CNBD1: variants seen among roughly 807,000 people sequenced by gnomAD.
CNBD1 encodes cyclic nucleotide binding domain containing 1.
A neutral mutation model predicts 54.4 loss-of-function variants in CNBD1; 71 were observed. The observed-to-expected ratio is 1.30, with a 90% CI of 1.08 to 1.59. The LOEUF is 1.59. Among genes scored for constraint, CNBD1 ranks in the 40% most tolerant of loss-of-function variants. CNBD1 has a pLI of 0.00. For synonymous variants in CNBD1, 182 were observed against 170.7 expected (o/e 1.07, Z -0.51); for missense variants, 659 against 518.0 (o/e 1.27, Z -2.64).
chr8:87,116,946 C>A (rs1023496118), intron 4 of CNBD1, among the ~76,000 whole-genome samples: 2 of 152,128 alleles, frequency 1.3e-5, no homozygotes, highest in South Asian at 2.1e-4. Context: ...TATTTACTTA[C>A]TCTTTCTGTT....
intron 4 of CNBD1, among the ~76,000 whole-genome samples, chr8:87,194,535 T>C (rs1027288365): frequency 1.3e-5 from 2 of 152,202 alleles, no homozygotes; most frequent in African/African-American, 2.4e-5. Flanking sequence ...CACCTAAAAT[T>C]CTGCATTATA....
chr8:87,159,978 C>T (rs1812821910), intron 4 of CNBD1, among the ~76,000 whole-genome samples: 2 of 151,462 alleles, frequency 1.3e-5, no homozygotes, highest in South Asian at 2.1e-4. Context: ...CAGACAATGA[C>T]AACAAGGCTC....
chr8:87,390,955 G>C (rs1277490332), intron 2 of CNBD1, among the ~76,000 whole-genome samples: 5 of 151,990 alleles, frequency 3.3e-5, no homozygotes, highest in African/African-American at 1.2e-4. Context: ...GATGGATGAA[G>C]CTGGAAACCA....
chr8:87,227,124 C>A (rs1814518583), intron 5 of CNBD1, among the ~76,000 whole-genome samples: 1 of 152,034 alleles, frequency 6.6e-6, no homozygotes, highest in Non-Finnish European at 1.5e-5. Flanking sequence ...TATTTTGAGC[C>A]CATGTGTGTC....
chr8:86,998,731 A>G lies in CNBD1; in HGVS notation c.431+58977A>G, dbSNP rs142033009. On this transcript the variant is annotated intron_variant, in intron 4 of 10. Transcript: ENST00000518476. ...TATAGCACTCTACATCTTTTGAATG[A>G]TTTGGAAATACATGTTTTTCGAATT... Among the ~76,000 whole-genome samples, 19 of 152,306 alleles carry G rather than the reference A, an allele frequency of 1.2e-4. No individual in the cohort carries two copies. The East Asian group carries it at 3.7e-3, about 29-fold the overall frequency.
chr8:87,261,982 C>CAA (rs71277922), intron 6 of CNBD1, among the ~76,000 whole-genome samples: 2,652 of 128,512 alleles, frequency 0.021, 44 homozygotes, highest in African/African-American at 0.055. Flanking sequence ...TCTGTCTTTA[C>CAA]AAAAAAAAAA....
intron 4 of CNBD1, among the ~76,000 whole-genome samples, chr8:87,070,955 G>T (rs953007414): frequency 6.6e-6 from 1 of 151,868 alleles, no homozygotes; most frequent in Non-Finnish European, 1.5e-5. Context: ...TGTGAAATGG[G>T]ATAGGATAAT....
At chr8:87,310,000 A>G (rs988500801) in intron 8 of CNBD1, among the ~76,000 whole-genome samples, 5 of 152,154 alleles carry the variant, frequency 3.3e-5, no homozygotes, top group African/African-American at 7.2e-5. Flanking sequence ...TACAAAATCA[A>G]TGTACAAAAA....
At chr8:87,279,805 C>A (rs1808559653) in intron 6 of CNBD1, among the ~76,000 whole-genome samples, 1 of 151,156 alleles carries the variant, frequency 6.6e-6, no homozygotes, top group South Asian at 2.1e-4. Context: ...TTTTCCACTT[C>A]TCAGAAAGGC....
At chr8:87,317,805 T>C (rs1809423379) in intron 8 of CNBD1, among the ~76,000 whole-genome samples, 1 of 152,068 alleles carries the variant, frequency 6.6e-6, no homozygotes, top group South Asian at 2.1e-4. Flanking sequence ...TCCTCTTTTC[T>C]GAGTACACTC....
At chr8:86,889,169 TGTGTATATAGGTTTTGCATCA>T in intron 2 of CNBD1, among the ~76,000 whole-genome samples, 1 of 152,194 alleles carries the variant, frequency 6.6e-6, no homozygotes, top group African/African-American at 2.4e-5. Context: ...TTTTAAGGTA[TGTGTATATAGGTTTTGCATCA>T]TTCTGTTAGA....
intron 4 of CNBD1, among the ~76,000 whole-genome samples, chr8:87,045,964 C>T (rs536061978): frequency 5.5e-5 from 8 of 146,394 alleles, no homozygotes; most frequent in African/African-American, 1.8e-4. Flanking sequence ...TCGCTTGAAT[C>T]TGGGGGGCGG....
At chr8:87,275,709 G>T (rs1235814857) in intron 6 of CNBD1, among the ~76,000 whole-genome samples, 1 of 151,688 alleles carries the variant, frequency 6.6e-6, no homozygotes, top group Non-Finnish European at 1.5e-5. Flanking sequence ...CATAGTGTTG[G>T]AAATTCTGGC....
chr8:86,997,613 C>T (rs749931774), intron 4 of CNBD1, among the ~76,000 whole-genome samples: 31 of 152,142 alleles, frequency 2.0e-4, no homozygotes, highest in Admixed American at 2.6e-4. Flanking sequence ...GGCACATTCA[C>T]TGACTTGATT....
At chr8:86,879,904 G>A (rs758730603) in intron 1 of CNBD1, among the ~76,000 whole-genome samples, 1 of 151,966 alleles carries the variant, frequency 6.6e-6, no homozygotes, top group Non-Finnish European at 1.5e-5. Flanking sequence ...CGGAGAGAAT[G>A]GGGGAGGAAC....
At chr8:87,227,593 T>G (rs2130816235) in intron 5 of CNBD1, among the ~76,000 whole-genome samples, 1 of 123,146 alleles carries the variant, frequency 8.1e-6, no homozygotes, top group South Asian at 2.7e-4. Flanking sequence ...GCTTGTAGGG[T>G]TTCTGCCGAG....
At chr8:87,252,160 T>C (rs1807929880) in intron 6 of CNBD1, among the ~76,000 whole-genome samples, 1 of 152,170 alleles carries the variant, frequency 6.6e-6, no homozygotes, top group African/African-American at 2.4e-5. Flanking sequence ...TTATGATAAA[T>C]ATGGTTCAAC....
intron 1 of CNBD1, among the ~76,000 whole-genome samples, chr8:86,874,511 CTT>C (rs1462473609): frequency 6.6e-6 from 1 of 151,962 alleles, no homozygotes; most frequent in Non-Finnish European, 1.5e-5. Context: ...TAAATGTACT[CTT>C]TTCTCTTTTT....
intron 4 of CNBD1, among the ~76,000 whole-genome samples, chr8:86,993,302 C>T (rs997740943): frequency 6.6e-6 from 1 of 151,170 alleles, no homozygotes; most frequent in Admixed American, 6.6e-5. Flanking sequence ...TTTTTCAATT[C>T]CAGAAGAGCA....
Sources: gnomAD v4.1 joint callset for allele counts (sites outside exome capture counted in the v4.1 genomes callset) on GRCh38, gnomAD v4.1.1 for gene constraint, MANE v1.5 for transcripts, NCBI Gene and HGNC (gene_info 2026-07-23, HGNC 2026-07-21) for gene names.